WDR33: variants seen among roughly 807,000 people sequenced by gnomAD.
WDR33 encodes WD repeat domain 33, also known as pre-mRNA 3' end processing protein WDR33.
WDR33 carries 47 observed loss-of-function variants against 164.9 expected under a neutral mutation model. The observed-to-expected ratio is 0.29, with a 90% CI of 0.23 to 0.36. The LOEUF is 0.36. WDR33 is among the 10% of genes least tolerant of loss of function. The pLI, the probability that WDR33 is intolerant of heterozygous loss-of-function variation, is 1.00. For synonymous variants in WDR33, 505 were observed against 589.0 expected (o/e 0.86, Z 2.06); for missense variants, 1,137 against 1,754.1 (o/e 0.65, Z 6.28).
intron 1 of WDR33, among the ~76,000 whole-genome samples, chr2:127,794,178 G>A (rs746151016): frequency 1.3e-4 from 14 of 107,332 alleles, no homozygotes; most frequent in Non-Finnish European, 1.9e-4. Context: ...GACAGACAGA[G>A]ACAAGAAAGA....
rs1315659465 is a variant in WDR33, at chr2:127,708,710, G to A, written c.3748C>T (p.Pro1250Ser). Residue 1250 changes from proline (P) to serine (S), a missense_variant, in exon 21 of 22, where the codon CCA becomes TCA. By Grantham distance (74) the Pro-to-Ser change is moderately conservative. Transcript: ENST00000322313. The surrounding 1 kb of genome is among the most constrained non-coding windows in gnomAD (Gnocchi z 6.7). ...GTSEHREMEA[P>S]GGPSEDRGGK... ...CCTCGGTCTTCAGAAGGGCCTCCTGGGGCCTCCATCTCTCTGTGCTCAGAA... is the reference window on the plus strand; with the variant it reads ...CCTCGGTCTTCAGAAGGGCCTCCTGAGGCCTCCATCTCTCTGTGCTCAGAA... 3 of 1,611,694 alleles carry A rather than the reference G, an allele frequency of 1.9e-6. No individual in the cohort carries two copies. Among genetic ancestry groups the A allele is most frequent in the Non-Finnish European group, 2.5e-6 (3 of 1,178,474 alleles).
intron 1 of WDR33, among the ~76,000 whole-genome samples, chr2:127,805,928 A>G (rs1449790280): frequency 3.3e-5 from 5 of 150,870 alleles, no homozygotes; most frequent in East Asian, 1.9e-4. Flanking sequence ...TCTACTGCAC[A>G]TTAAAGAATA....
At chr2:127,804,149 GTC>G (rs1267813798) in intron 1 of WDR33, among the ~76,000 whole-genome samples, 3 of 151,872 alleles carry the variant, frequency 2.0e-5, no homozygotes, top group African/African-American at 7.3e-5. Context: ...GTGAAACCCT[GTC>G]TCTACTAAAA....
At chr2:127,777,589 G>T (rs80111714) in intron 1 of WDR33, among the ~76,000 whole-genome samples, 2,173 of 152,310 alleles carry the variant, frequency 0.014, 64 homozygotes, top group African/African-American at 0.051. Flanking sequence ...CTCAGACTTA[G>T]TGTGTCAATG....
chr2:127,731,361 TAA>T (rs1195250163), intron 7 of WDR33, among the ~76,000 whole-genome samples: 2 of 146,650 alleles, frequency 1.4e-5, no homozygotes, highest in African/African-American at 5.1e-5. Context: ...TCAGTGTTAA[TAA>T]GAGAGAGAGT....
In WDR33 at chr2:127,768,929, T is replaced by C; in HGVS notation, c.273+4A>G. 1 of 1,594,928 alleles carries C rather than the reference T, an allele frequency of 6.3e-7. No individual in the cohort carries two copies. Among genetic ancestry groups the C allele is most frequent in the Non-Finnish European group, 8.5e-7 (1 of 1,170,536 alleles). ...TAAGCTAGTATGACACATCATGTAC[T>C]TACATCATTGTAATAACCTGCATCA... On this transcript the variant is annotated splice_donor_region_variant and intron_variant, in intron 3 of 21. Transcript: ENST00000322313.
chr2:127,711,780 A>ATTTTTTTTTTTTTTTTTTTT lies in WDR33; in HGVS notation c.3308+1802_3308+1803insAAAAAAAAAAAAAAAAAAAA, dbSNP rs1158780905. Among the ~76,000 whole-genome samples, 9 of 88,304 alleles carry ATTTTTTTTTTTTTTTTTTTT rather than the reference A, an allele frequency of 1.0e-4. 2 individuals carry two copies. The highest frequency in any genetic ancestry group is 3.9e-4 in the African/African-American group (6 of 15,440). The allele number at this position is 88,304 out of a possible 152,430, so 57.9% of individuals were successfully genotyped here. The stretch of plus-strand genomic sequence containing the variant: ...TATATATATATATATATATATATAT[A>ATTTTTTTTTTTTTTTTTTTT]TTTTTTTTTTGAGACAGAGTCTCGC... On this transcript the variant is annotated intron_variant, in intron 18 of 21. Transcript: ENST00000322313.
At chr2:127,753,062 G>T (rs1314507656) in intron 7 of WDR33, among the ~76,000 whole-genome samples, 1 of 152,184 alleles carries the variant, frequency 6.6e-6, no homozygotes, top group Non-Finnish European at 1.5e-5. Context: ...GAGAAGCTGG[G>T]ATTACAGGCA....
chr2:127,789,896 T>C (rs867611422), intron 1 of WDR33, among the ~76,000 whole-genome samples: 26 of 152,194 alleles, frequency 1.7e-4, no homozygotes, highest in Non-Finnish European at 2.6e-4. Flanking sequence ...AGTGCAGTGG[T>C]GTGATCTCGG....
chr2:127,731,729 GTATT>G (rs1686712575), intron 7 of WDR33, among the ~76,000 whole-genome samples: 2 of 152,146 alleles, frequency 1.3e-5, no homozygotes, highest in African/African-American at 4.8e-5. Flanking sequence ...AGATTAGAAT[GTATT>G]TATTTGTCAA....
rs1686256021 is a variant in WDR33, at chr2:127,714,628, G to A, written c.2870-607C>T. 6.6e-6 allele frequency among the ~76,000 whole-genome samples: 1 copy of A among 152,206 alleles called. No homozygotes were observed. The highest frequency in any genetic ancestry group is 2.1e-4 in the South Asian group (1 of 4,830). On this transcript the variant is annotated intron_variant, in intron 17 of 21. Transcript: ENST00000322313. The surrounding 1 kb of genome is among the most constrained non-coding windows in gnomAD (Gnocchi z 4.3). ...GGGTTTTCTGCACCTCTCTATGGAT[G>A]TTGTTCCTCATCTACAATATTCTCA...
Position 127,726,105 on chromosome 2 carries a change from A to G in WDR33, c.851+546T>C, listed in dbSNP as rs181229687. ...TGAATATGGTTCTCTTCCCAATCAG[A>G]AAGACCAGGAAATGGATGCTTGGTC... On this transcript the variant is annotated intron_variant, in intron 8 of 21. Transcript: ENST00000322313. The surrounding 1 kb of genome is among the most constrained non-coding windows in gnomAD (Gnocchi z 4.8). Among the ~76,000 whole-genome samples the G allele has an allele frequency of 1.3e-5, 2 of 152,316 alleles. No homozygotes were observed. Among genetic ancestry groups the G allele is most frequent in the Admixed American group, 1.3e-4 (2 of 15,304 alleles).
At position 127,709,480 on chromosome 2, in the gene WDR33, T is replaced by G. The variant is rs531328858; in HGVS notation, c.3565+10A>C. The stretch of plus-strand genomic sequence containing the variant: ...TCTAGAGTTACCCAACAAGCGGTTC[T>G]TTTCCTTACCAGGCTCTCTGTTTCC... On this transcript the variant is annotated intron_variant, in intron 20 of 21. Transcript: ENST00000322313. The surrounding 1 kb of genome is among the most constrained non-coding windows in gnomAD (Gnocchi z 5.0). The G allele has an allele frequency of 2.5e-6, 4 of 1,613,604 alleles. No individual in the cohort carries two copies. In the South Asian group the frequency reaches 4.4e-5, roughly 18 times the overall value.
In WDR33 at chr2:127,770,063, C is replaced by A. The variant is rs930672512; in HGVS notation, c.204+715G>T. 6.6e-6 allele frequency among the ~76,000 whole-genome samples: 1 copy of A among 152,154 alleles called. No individual in the cohort carries two copies. The highest frequency in any genetic ancestry group is 1.5e-5 in the Non-Finnish European group (1 of 68,030). On this transcript the variant is annotated intron_variant, in intron 2 of 21. Coordinates refer to ENST00000322313, the MANE Select transcript of WDR33 (RefSeq NM_018383.5). The surrounding 1 kb of genome is among the most constrained non-coding windows in gnomAD (Gnocchi z 4.9). ...ACCAGGGCTTGGAAGTGGGAGAATCCATGTTCTCCAAGCCAGTGTCTCACA... is the reference window on the plus strand; with the variant it reads ...ACCAGGGCTTGGAAGTGGGAGAATCAATGTTCTCCAAGCCAGTGTCTCACA...
At chr2:127,731,317 A>AAAAAC (rs1553473221) in intron 7 of WDR33, among the ~76,000 whole-genome samples, 43 of 143,866 alleles carry the variant, frequency 3.0e-4, no homozygotes, top group African/African-American at 1.2e-3. Context: ...AAAAAAAAAA[A>AAAAAC]ACACAGAAAA....
intron 1 of WDR33, among the ~76,000 whole-genome samples, chr2:127,798,396 T>TAA: frequency 1.3e-5 from 1 of 78,158 alleles, no homozygotes; most frequent in Middle Eastern, 8.1e-3. Flanking sequence ...AAAAAAAAAA[T>TAA]GAATTTAAAA....
chr2:127,809,464 C>G (rs936074484), intron 1 of WDR33, among the ~76,000 whole-genome samples: 12 of 117,228 alleles, frequency 1.0e-4, no homozygotes, highest in Non-Finnish European at 1.6e-4. Context: ...GAGACGGAGT[C>G]TCGCTCTGTT....
chr2:127,724,494 C>G lies in WDR33; in HGVS notation c.1086-51G>C, dbSNP rs987208399. The G allele has an allele frequency of 6.7e-7, 1 of 1,481,732 alleles. No individual in the cohort carries two copies. Among genetic ancestry groups the G allele is most frequent in the Non-Finnish European group, 9.4e-7 (1 of 1,065,022 alleles). The allele number at this position is 1,481,732 out of a possible 1,614,324, so 91.8% of individuals were successfully genotyped here. ...TTTGTTCACAAAAGTTACCCAGCTT[C>G]TCCCTCCCCCTCAAAAAAGACATTT... On this transcript the variant is annotated intron_variant, in intron 10 of 21. Transcript: ENST00000322313. This position sits in a 1 kb window ranked among gnomAD's most constrained non-coding sequence, Gnocchi z 4.8.
chr2:127,810,847 G>C (rs1042666507), intron 1 of WDR33, 165 bp downstream of exon 1: 6 of 152,666 alleles, frequency 3.9e-5, no homozygotes, highest in African/African-American at 1.4e-4. Flanking sequence ...CATAAGTCTC[G>C]AACCTGCCTC....
Sources: allele counts gnomAD v4.1 joint callset (sites outside exome capture counted in the v4.1 genomes callset), GRCh38; gene constraint gnomAD v4.1.1; non-coding constraint Gnocchi (gnomAD v3.1); transcripts MANE v1.5; gene names NCBI Gene and HGNC (gene_info 2026-07-23, HGNC 2026-07-21).